KIF13B: variants seen among roughly 807,000 people sequenced by gnomAD.
KIF13B encodes kinesin-like protein KIF13B.
KIF13B carries 127 observed loss-of-function variants against 222.0 expected under a neutral mutation model. The observed-to-expected ratio is 0.57, with a 90% CI of 0.50 to 0.66. The LOEUF is 0.66. Ranked by LOEUF, KIF13B falls within the 30% of genes least tolerant of loss-of-function variation. The pLI is 0.00. For missense variants in KIF13B, 2,173 were observed against 2,379.0 expected (o/e 0.91, Z 1.80); for synonymous variants, 976 against 919.0 (o/e 1.06, Z -1.12).
At chr8:29,211,797 TAATTGCTAC>T (rs1274729651) in intron 2 of KIF13B, among the ~76,000 whole-genome samples, 1 of 152,256 alleles carries the variant, frequency 6.6e-6, no homozygotes, top group Non-Finnish European at 1.5e-5. Context: ...CCAGAATTGC[TAATTGCTAC>T]AATTGCTAAT....
At chr8:29,107,820 A>G (rs191199704) in intron 35 of KIF13B, among the ~76,000 whole-genome samples, 1 of 152,094 alleles carries the variant, frequency 6.6e-6, no homozygotes, top group African/African-American at 2.4e-5. Context: ...TTGGCCTCCC[A>G]AAGTGCTGGG....
chr8:29,156,586 C>T (rs1811537694), intron 13 of KIF13B, among the ~76,000 whole-genome samples: 1 of 151,968 alleles, frequency 6.6e-6, no homozygotes, highest in South Asian at 2.1e-4. Context: ...ACTATCCATG[C>T]TCACTAAACC....
At chr8:29,096,685 G>A (rs1808547617) in intron 36 of KIF13B, among the ~76,000 whole-genome samples, 1 of 152,052 alleles carries the variant, frequency 6.6e-6, no homozygotes. Flanking sequence ...GAGGGGCCCA[G>A]AGGAACAGGT....
intron 36 of KIF13B, among the ~76,000 whole-genome samples, chr8:29,098,602 CAA>C (rs202180136): frequency 3.5e-4 from 21 of 60,774 alleles, no homozygotes; most frequent in Admixed American, 5.9e-4. Context: ...GACTCTGTCT[CAA>C]AAAAAAAAAA....
intron 28 of KIF13B, among the ~76,000 whole-genome samples, chr8:29,123,095 T>C (rs552701561): frequency 1.3e-5 from 2 of 152,340 alleles, no homozygotes; most frequent in South Asian, 4.1e-4. Flanking sequence ...TATTAACTAT[T>C]TTCTTAATGC....
chr8:29,230,676 A>G (rs572965498), intron 2 of KIF13B, among the ~76,000 whole-genome samples: 1 of 152,308 alleles, frequency 6.6e-6, no homozygotes, highest in East Asian at 1.9e-4. Context: ...GTGAGCCCAG[A>G]CTGAGCTGGC....
At chr8:29,176,513 T>TG (rs1812483421) in intron 9 of KIF13B, among the ~76,000 whole-genome samples, 1 of 152,174 alleles carries the variant, frequency 6.6e-6, no homozygotes, top group South Asian at 2.1e-4. Flanking sequence ...AAATTGTATA[T>TG]ATGAGATTCA....
chr8:29,201,395 T>C (rs1443890984), intron 2 of KIF13B, among the ~76,000 whole-genome samples: 1 of 152,244 alleles, frequency 6.6e-6, no homozygotes, highest in Non-Finnish European at 1.5e-5. Flanking sequence ...AAATTATATC[T>C]GTAATCTCTA....
rs954051930 is a variant in KIF13B at position 29,262,252 on chromosome 8, A to G, written c.55+728T>C. On this transcript the variant is annotated intron_variant, in intron 1 of 39. Coordinates refer to ENST00000524189, the MANE Select transcript of KIF13B (RefSeq NM_015254.4). ...TACTCGGTTTATCTGCCTTCTCTAC[A>G]CTCCCTGCAGAGTTAAGAGAATGTC... is the stretch of plus-strand genomic sequence containing the variant. 6.6e-5 allele frequency among the ~76,000 whole-genome samples: 10 copies of G among 152,212 alleles called. No homozygotes were observed. In the East Asian group the frequency reaches 1.9e-3, roughly 29 times the overall value.
intron 1 of KIF13B, among the ~76,000 whole-genome samples, chr8:29,262,537 GGGTCCCGGGC>G (rs1231588492): frequency 6.6e-6 from 1 of 151,920 alleles, no homozygotes; most frequent in Non-Finnish European, 1.5e-5. Flanking sequence ...GGGTCCCGGG[GGGTCCCGGGC>G]GGTCCCGAGG....
At position 29,176,933 on chromosome 8, in the gene KIF13B, T is replaced by C. The variant is rs117021148; in HGVS notation, c.833+533A>G. Among the ~76,000 whole-genome samples the C allele has an allele frequency of 1.4e-4, 21 of 152,270 alleles. No homozygotes were observed. The East Asian group carries it at 3.9e-3, about 28-fold the overall frequency. ...CTTGGACAAGCATGACAGTGTTTAGTAAAGGAAAAGCTCAACGTGGTTAGT... is the reference window on the plus strand; with the variant it reads ...CTTGGACAAGCATGACAGTGTTTAGCAAAGGAAAAGCTCAACGTGGTTAGT... On this transcript the variant is annotated intron_variant, in intron 9 of 39. Transcript: ENST00000524189.
At chr8:29,101,921 C>G (rs1414568685) in intron 35 of KIF13B, among the ~76,000 whole-genome samples, 2 of 115,626 alleles carry the variant, frequency 1.7e-5, no homozygotes, top group Non-Finnish European at 3.8e-5. Flanking sequence ...CTCGATTTTT[C>G]TCCTGCACTA....
intron 2 of KIF13B, among the ~76,000 whole-genome samples, chr8:29,239,131 C>G (rs962434817): frequency 6.6e-6 from 1 of 152,136 alleles, no homozygotes; most frequent in Non-Finnish European, 1.5e-5. Flanking sequence ...TGTGCATACC[C>G]GCCCAGCCCC....
At position 29,139,833 on chromosome 8, in the gene KIF13B, G is replaced by A. The variant is rs996214311; in HGVS notation, c.2613+230C>T. On this transcript the variant is annotated intron_variant, in intron 21 of 39. Transcript: ENST00000524189. ...CACCAGCAGGTCTGGCTCACTAGCG[G>A]GTGTTTGGAAATGGAGGAGGCGATT... Among the ~76,000 whole-genome samples, 4 of 152,266 alleles carry A rather than the reference G, an allele frequency of 2.6e-5. No individual in the cohort carries two copies. The South Asian group carries it at 8.3e-4, about 32-fold the overall frequency.
At chr8:29,193,829 T>A (rs1813295722) in intron 3 of KIF13B, among the ~76,000 whole-genome samples, 1 of 152,184 alleles carries the variant, frequency 6.6e-6, no homozygotes, top group East Asian at 1.9e-4. Flanking sequence ...CATTTTTACT[T>A]TTTTTTGAGA....
chr8:29,262,005 A>G (rs1816696925), intron 1 of KIF13B, among the ~76,000 whole-genome samples: 1 of 152,216 alleles, frequency 6.6e-6, no homozygotes, highest in Admixed American at 6.5e-5. Context: ...AAATGATTCT[A>G]ATTAGTTCAA....
At chr8:29,249,392 T>C (rs1014010332) in intron 1 of KIF13B, among the ~76,000 whole-genome samples, 2 of 141,388 alleles carry the variant, frequency 1.4e-5, no homozygotes, top group Non-Finnish European at 3.0e-5. Flanking sequence ...ATCACGCCAC[T>C]GCACTCCAGC....
At chr8:29,244,507 T>TC (rs1040513511) in intron 2 of KIF13B, among the ~76,000 whole-genome samples, 2 of 152,160 alleles carry the variant, frequency 1.3e-5, no homozygotes, top group Non-Finnish European at 2.9e-5. Context: ...GGTCAGCCTA[T>TC]CCCCACTCTG....
intron 3 of KIF13B, among the ~76,000 whole-genome samples, chr8:29,192,368 C>T (rs1301371947): frequency 6.6e-6 from 1 of 152,178 alleles, no homozygotes; most frequent in African/African-American, 2.4e-5. Flanking sequence ...TATGTCACTT[C>T]AGCCCTCGCT....
Sources: allele counts gnomAD v4.1 joint callset (sites outside exome capture counted in the v4.1 genomes callset), GRCh38; gene constraint gnomAD v4.1.1; transcripts MANE v1.5; gene names NCBI Gene and HGNC (gene_info 2026-07-23, HGNC 2026-07-21).